GPLD1: variants seen among roughly 807,000 people sequenced by gnomAD.
GPLD1 encodes glycosylphosphatidylinositol specific phospholipase D1, also known as phosphatidylinositol-glycan-specific phospholipase D.
GPLD1 carries 84 observed loss-of-function variants against 112.6 expected under a neutral mutation model. The observed-to-expected ratio is 0.75, with a 90% CI of 0.63 to 0.89. GPLD1 has a LOEUF of 0.89. GPLD1 is among the 40% of genes least tolerant of loss of function. The probability of loss-of-function intolerance (pLI) is 0.00; values close to 1 mark genes in which losing one functional copy is unlikely to be tolerated. For missense variants in GPLD1, 1,044 were observed against 1,051.5 expected (o/e 0.99, Z 0.10); for synonymous variants, 386 against 403.8 (o/e 0.96, Z 0.53).
chr6:24,448,779 C>T (rs1195728558), intron 15 of GPLD1, among the ~76,000 whole-genome samples: 10 of 152,282 alleles, frequency 6.6e-5, no homozygotes, highest in Non-Finnish European at 1.0e-4. Flanking sequence ...CATACCACAT[C>T]TGTACCACTT....
At chr6:24,447,026 A>C (rs1478259646) in intron 17 of GPLD1, 47 bp from the exon 18 acceptor site, 1 of 1,546,914 alleles carries the variant, frequency 6.5e-7, no homozygotes. Flanking sequence ...AAGTGAGAGG[A>C]CTACTGGGAT....
At chr6:24,457,652 G>A (rs987757637) in intron 12 of GPLD1, among the ~76,000 whole-genome samples, 4 of 151,794 alleles carry the variant, frequency 2.6e-5, no homozygotes, top group African/African-American at 9.7e-5. Context: ...GGAGGTCAAG[G>A]TGGGAGGATC....
chr6:24,486,300 GC>G (rs1764372801), intron 1 of GPLD1, among the ~76,000 whole-genome samples, 170 bp from the exon 2 acceptor site: 1 of 152,188 alleles, frequency 6.6e-6, no homozygotes. Flanking sequence ...ATAGGCTTGT[GC>G]AGTATTTCTA....
intron 22 of GPLD1, among the ~76,000 whole-genome samples, chr6:24,436,350 G>C (rs943267244): frequency 6.6e-6 from 1 of 152,160 alleles, no homozygotes. Flanking sequence ...TGTGACCAGG[G>C]ACCTACATAA....
At chr6:24,472,172 T>C (rs1319267164) in intron 7 of GPLD1, among the ~76,000 whole-genome samples, 2 of 151,580 alleles carry the variant, frequency 1.3e-5, no homozygotes, top group Non-Finnish European at 2.9e-5. Context: ...ACACAAATGA[T>C]CCATAAAATA....
chr6:24,484,508 G>A (rs963832374), intron 2 of GPLD1, among the ~76,000 whole-genome samples: 10 of 152,328 alleles, frequency 6.6e-5, no homozygotes, highest in African/African-American at 1.9e-4. Flanking sequence ...GAGCCATCAC[G>A]CCTGGCCTAT....
At chr6:24,491,338 A>G (rs923980066), upstream of GPLD1, among the ~76,000 whole-genome samples, 1 of 152,186 alleles carries the variant, frequency 6.6e-6, no homozygotes, top group African/African-American at 2.4e-5. Context: ...TTACAGGGGA[A>G]AAAAATACTG....
At chr6:24,461,212 G>A (rs1055252065) in intron 11 of GPLD1, among the ~76,000 whole-genome samples, 1 of 152,066 alleles carries the variant, frequency 6.6e-6, no homozygotes, top group Non-Finnish European at 1.5e-5. Flanking sequence ...ACGGGGCCCT[G>A]GGCATGACAC....
intron 1 of GPLD1, among the ~76,000 whole-genome samples, chr6:24,488,876 C>T (rs1405131583): frequency 6.6e-6 from 1 of 152,124 alleles, no homozygotes; most frequent in African/African-American, 2.4e-5. Context: ...CCAACTCCTG[C>T]CATCTTCCTG....
upstream of GPLD1, among the ~76,000 whole-genome samples, chr6:24,490,800 A>G (rs1211507597): frequency 6.6e-6 from 1 of 151,966 alleles, no homozygotes; most frequent in Admixed American, 6.6e-5. Context: ...ATTTGACAAC[A>G]GTTGTCGCCC....
chr6:24,474,437 G>T (rs182037650), intron 5 of GPLD1, among the ~76,000 whole-genome samples: 2 of 152,224 alleles, frequency 1.3e-5, no homozygotes, highest in African/African-American at 4.8e-5. Flanking sequence ...AAAAGAGAGA[G>T]AAAAAGTCCA....
At position 24,447,863 on chromosome 6, in the gene GPLD1, C is replaced by G. The variant is rs750590578; in HGVS notation, c.1678+14G>C. 26 of 1,613,068 alleles carry G rather than the reference C, an allele frequency of 1.6e-5. No individual in the cohort carries two copies. The highest frequency in any genetic ancestry group is 1.7e-4 in the Middle Eastern group (1 of 5,722). ...GAGCAGCCATGGTCTCACCCATTCC[C>G]CCTCAGGCACTACCTTTGTCGCTCA... On this transcript the variant is annotated intron_variant, in intron 17 of 24. Coordinates refer to ENST00000230036, the MANE Select transcript of GPLD1 (RefSeq NM_001503.4).
At chr6:24,486,028 A>G (rs1217005669) in intron 2 of GPLD1, 47 bp downstream of exon 2, 1 of 1,123,556 alleles carries the variant, frequency 8.9e-7, no homozygotes, top group East Asian at 2.4e-5. Flanking sequence ...GGCACCTATA[A>G]AAGAAAACTA....
rs1397227119 is a variant in GPLD1 at position 24,466,766 on chromosome 6, C to T, written c.735G>A (p.Glu245=). Residue 245 remains glutamate, a synonymous_variant, in exon 10 of 25, where the codon GAG becomes GAA. Transcript: ENST00000230036. ...KSPFLVEQFQ[E]YFLGGLDDMA... is the part of the protein sequence containing the mutation. ...TATCATCCAGTCCTCCAAGAAAATA[C>T]TCTTGGAATTGTTCCACCAAAAACG... 8.7e-6 allele frequency: 14 copies of T among 1,607,274 alleles called. No homozygotes were observed. Among genetic ancestry groups the T allele is most frequent in the East Asian group, 2.2e-5 (1 of 44,856 alleles).
chr6:24,478,003 T>C (rs1156693843), intron 3 of GPLD1, among the ~76,000 whole-genome samples: 1 of 152,220 alleles, frequency 6.6e-6, no homozygotes, highest in Non-Finnish European at 1.5e-5. Context: ...TATTTATTGC[T>C]GCAGAAAAAA....
intron 22 of GPLD1, chr6:24,435,836 A>AAAAAAAAT (rs1762559697): frequency 6.8e-6 from 1 of 146,528 alleles, no homozygotes; most frequent in Non-Finnish European, 1.5e-5. Flanking sequence ...AAAAAAAAAA[A>AAAAAAAAT]AAAAAAAAAA....
intron 24 of GPLD1, among the ~76,000 whole-genome samples, chr6:24,431,005 G>A (rs967912187): frequency 7.9e-5 from 12 of 151,996 alleles, no homozygotes; most frequent in African/African-American, 2.7e-4. Flanking sequence ...TAATACATGG[G>A]TTCTTGACAA....
chr6:24,445,360 T>C (rs1040914837), intron 20 of GPLD1, among the ~76,000 whole-genome samples, 186 bp downstream of exon 20: 2 of 152,166 alleles, frequency 1.3e-5, no homozygotes, highest in South Asian at 2.1e-4. Flanking sequence ...GTTTTGTAGA[T>C]GGTGATACAA....
intron 11 of GPLD1, among the ~76,000 whole-genome samples, chr6:24,462,015 CT>C (rs1364332323): frequency 1.3e-5 from 2 of 152,188 alleles, no homozygotes; most frequent in East Asian, 3.8e-4. Context: ...GCTTCTGGCC[CT>C]TAACATTGAG....
Sources: gnomAD v4.1 joint callset for allele counts (sites outside exome capture counted in the v4.1 genomes callset) on GRCh38, gnomAD v4.1.1 for gene constraint, MANE v1.5 for transcripts, NCBI Gene and HGNC (gene_info 2026-07-23, HGNC 2026-07-21) for gene names.